The following FHDC1 variants were observed in gnomAD, a reference collection of about 807,000 sequenced individuals.
The protein encoded by FHDC1 is FH2 domain-containing protein 1.
FHDC1 carries 25 observed loss-of-function variants against 52.6 expected under a neutral mutation model. The ratio of observed to expected loss-of-function variants is 0.48; its 90% CI spans 0.35 to 0.66. The LOEUF is 0.66. Ranked by LOEUF, FHDC1 falls within the 30% of genes least tolerant of loss-of-function variation. The pLI is 0.01. For synonymous variants in FHDC1, 616 were observed against 581.5 expected (o/e 1.06, Z -0.85); for missense variants, 1,459 against 1,452.8 (o/e 1.00, Z -0.07).
chr4:152,937,109 A>G (rs1561199686), intron 1 of FHDC1, among the ~76,000 whole-genome samples: 1 of 152,038 alleles, frequency 6.6e-6, no homozygotes, highest in Non-Finnish European at 1.5e-5. Context: ...GCTCTTGGAG[A>G]GCGGGTTCTG....
chr4:152,918,399 A>T, the FHDC1 span: 1 of 152,174 alleles, frequency 6.6e-6, no homozygotes, highest in African/African-American at 2.4e-5. Flanking sequence ...GTTTTTCCTT[A>T]CAGTAGCCTC....
chr4:152,927,722 G>A, the FHDC1 span: 1 of 1,493,458 alleles, frequency 6.7e-7, no homozygotes, highest in South Asian at 1.1e-5. Flanking sequence ...CCTTGATGAG[G>A]TTTCTCGACA....
At chr4:152,913,139 G>A in the FHDC1 span, among the ~76,000 whole-genome samples, 18 of 152,198 alleles carry the variant, frequency 1.2e-4, no homozygotes, top group African/African-American at 4.3e-4. Flanking sequence ...CATTTCAACC[G>A]CATAATTAAA....
the FHDC1 span, among the ~76,000 whole-genome samples, chr4:152,930,997 A>ACACACACACACACTCTCTCTCT: frequency 8.8e-6 from 1 of 113,146 alleles, no homozygotes; most frequent in African/African-American, 3.4e-5. Flanking sequence ...ACACACACAC[A>ACACACACACACACTCTCTCTCT]CTCTCTCTCT....
intron 10 of FHDC1, among the ~76,000 whole-genome samples, chr4:152,970,370 A>G (rs1740605196): frequency 6.6e-6 from 1 of 152,194 alleles, no homozygotes; most frequent in Non-Finnish European, 1.5e-5. Context: ...GGCCCTAATC[A>G]TGTAGAACTC....
chr4:152,950,112 G>A (rs2149943179), intron 2 of FHDC1, among the ~76,000 whole-genome samples: 1 of 152,274 alleles, frequency 6.6e-6, no homozygotes, highest in South Asian at 2.1e-4. Context: ...TTGTCAGCTT[G>A]TGCAGCCAGT....
chr4:152,950,156 TG>T (rs1449653691), intron 2 of FHDC1, among the ~76,000 whole-genome samples: 1 of 152,200 alleles, frequency 6.6e-6, no homozygotes. Flanking sequence ...CAGATTCCAC[TG>T]CTCTGAATGA....
chr4:152,927,787 A>G, the FHDC1 span: 132 of 1,410,878 alleles, frequency 9.4e-5, no homozygotes, highest in African/African-American at 1.4e-3. Context: ...AACTGAAGGA[A>G]TACAGAAATA....
chr4:152,962,360 A>G (rs912651222), intron 6 of FHDC1, among the ~76,000 whole-genome samples: 2 of 152,122 alleles, frequency 1.3e-5, no homozygotes, highest in Non-Finnish European at 2.9e-5. Context: ...ATCTCTTCAT[A>G]ACTCATTGAC....
the FHDC1 span, chr4:152,927,936 G>C: frequency 5.5e-6 from 8 of 1,454,490 alleles, no homozygotes; most frequent in Non-Finnish European, 7.7e-6. Flanking sequence ...AGCTCAGAGA[G>C]TGACAACAGT....
rs1010703600 is a variant in FHDC1, at chr4:152,964,275, T to C, written c.1030-630T>C. Among the ~76,000 whole-genome samples the C allele has an allele frequency of 3.3e-5, 5 of 152,310 alleles. 1 individual carries two copies. In the South Asian group the frequency reaches 8.3e-4, roughly 25 times the overall value. ...CAGAAGACAAAGGGCCATGTTTAGC[T>C]TGGGACTTAATTGAAAGGTTAATTT... On this transcript the variant is annotated intron_variant, in intron 8 of 11. Coordinates refer to ENST00000511601, the MANE Select transcript of FHDC1 (RefSeq NM_001371116.1).
At chr4:152,921,989 G>A in the FHDC1 span, among the ~76,000 whole-genome samples, 10 of 152,016 alleles carry the variant, frequency 6.6e-5, no homozygotes, top group African/African-American at 2.4e-4. Flanking sequence ...CTAGCAGAAG[G>A]CAAGAAATAA....
At chr4:152,947,658 G>T (rs1372087931) in intron 2 of FHDC1, among the ~76,000 whole-genome samples, 1 of 152,160 alleles carries the variant, frequency 6.6e-6, no homozygotes, top group Non-Finnish European at 1.5e-5. Context: ...AAAGGGATCA[G>T]CTTATGAGGC....
At chr4:152,953,141 A>G (rs1391559451) in intron 2 of FHDC1, among the ~76,000 whole-genome samples, 3 of 152,200 alleles carry the variant, frequency 2.0e-5, no homozygotes, top group African/African-American at 7.2e-5. Flanking sequence ...CTCCAAAAAA[A>G]AAAAGAAAGA....
At chr4:152,971,823 G>A (rs1740647499) in intron 10 of FHDC1, among the ~76,000 whole-genome samples, 1 of 152,168 alleles carries the variant, frequency 6.6e-6, no homozygotes, top group Admixed American at 6.5e-5. Context: ...AGCTGACTTG[G>A]ATCAGCACCC....
At chr4:152,927,911 G>C in the FHDC1 span, 3 of 1,392,942 alleles carry the variant, frequency 2.2e-6, no homozygotes. Flanking sequence ...GTTGGCAGGA[G>C]CTGTGAAGCG....
chr4:152,960,506 A>G, intron 4 of FHDC1, 59 bp from the exon 5 acceptor site: 1 of 1,312,808 alleles, frequency 7.6e-7, no homozygotes, highest in Non-Finnish European at 1.1e-6. Flanking sequence ...AAATTTAAAT[A>G]ATCTTAAATT....
chr4:152,917,339 A>G, the FHDC1 span, among the ~76,000 whole-genome samples: 1 of 152,186 alleles, frequency 6.6e-6, no homozygotes, highest in African/African-American at 2.4e-5. Context: ...ATAAGTATTT[A>G]TACACTGGTA....
Position 152,976,156 on chromosome 4 carries a change from G to A in FHDC1, c.2865G>A (p.Gln955=), listed in dbSNP as rs1412073616. ...VRRASTGAEE[Q]RLPRGSSGSS... ...GGGCCTCCACAGGCGCCGAAGAGCA[G>A]AGGCTGCCGCGGGGGAGCAGCGGCT... The change falls in exon 12 of 12, where the codon CAG becomes CAA. Residue 955 remains glutamine, a synonymous_variant. Coordinates refer to ENST00000511601, the MANE Select transcript of FHDC1 (RefSeq NM_001371116.1). The A allele has an allele frequency of 1.2e-6, 2 of 1,612,004 alleles. No individual in the cohort carries two copies. The highest frequency in any genetic ancestry group is 1.3e-5 in the African/African-American group (1 of 74,918).
Sources: gnomAD v4.1 joint callset for allele counts (sites outside exome capture counted in the v4.1 genomes callset) on GRCh38, gnomAD v4.1.1 for gene constraint, MANE v1.5 for transcripts, NCBI Gene and HGNC (gene_info 2026-07-23, HGNC 2026-07-21) for gene names.